The following SPATA17 variants were observed in gnomAD, a reference collection of about 807,000 sequenced individuals.
The protein encoded by SPATA17 is spermatogenesis associated 17, also known as spermatogenesis-associated protein 17.
SPATA17 carries 53 observed loss-of-function variants against 62.2 expected under a neutral mutation model. The observed-to-expected ratio is 0.85, with a 90% CI of 0.68 to 1.07. The LOEUF (loss-of-function observed/expected upper bound fraction) is 1.07. Among genes scored for constraint, SPATA17 ranks in the 50% least tolerant of loss-of-function variants. The pLI, the probability that SPATA17 is intolerant of heterozygous loss-of-function variation, is 0.00. For missense variants in SPATA17, 466 were observed against 425.5 expected (o/e 1.10, Z -0.84); for synonymous variants, 146 against 146.8 (o/e 0.99, Z 0.04).
intron 6 of SPATA17, among the ~76,000 whole-genome samples, chr1:217,756,544 A>T (rs2102959549): frequency 6.6e-6 from 1 of 152,324 alleles, no homozygotes. Flanking sequence ...ATTTTCCTGG[A>T]TTATGAGTGA....
chr1:217,761,326 T>C (rs1673168596), intron 6 of SPATA17, among the ~76,000 whole-genome samples: 1 of 152,198 alleles, frequency 6.6e-6, no homozygotes, highest in Non-Finnish European at 1.5e-5. Context: ...TCCAAAGTTA[T>C]TTAAAGGTTC....
intron 10 of SPATA17, 45 bp from the exon 11 acceptor site, chr1:217,866,977 G>A (rs1676028006): frequency 1.3e-5 from 2 of 151,936 alleles, no homozygotes; most frequent in Admixed American, 6.6e-5. Flanking sequence ...CACGTCTGAT[G>A]AGTGACCTTG....
chr1:217,756,311 A>G (rs1032012045), intron 6 of SPATA17, among the ~76,000 whole-genome samples: 5 of 131,916 alleles, frequency 3.8e-5, no homozygotes, highest in African/African-American at 1.3e-4. Flanking sequence ...TTGCCCAAAT[A>G]TATTTTTTGT....
chr1:217,807,788 G>A (rs1420018632), intron 9 of SPATA17, among the ~76,000 whole-genome samples: 1 of 152,092 alleles, frequency 6.6e-6, no homozygotes, highest in Admixed American at 6.6e-5. Context: ...TCTGAATTGG[G>A]AAAACATGTC....
intron 5 of SPATA17, among the ~76,000 whole-genome samples, chr1:217,741,356 A>C (rs1240088699): frequency 6.6e-6 from 1 of 152,182 alleles, no homozygotes; most frequent in African/African-American, 2.4e-5. Context: ...AGAATTTATT[A>C]TACTTAGAAA....
intron 9 of SPATA17, among the ~76,000 whole-genome samples, chr1:217,813,486 A>G (rs952414023): frequency 6.6e-6 from 1 of 152,182 alleles, no homozygotes; most frequent in Non-Finnish European, 1.5e-5. Flanking sequence ...CTTTCCATAC[A>G]TGCTGATTGA....
intron 5 of SPATA17, among the ~76,000 whole-genome samples, chr1:217,720,110 C>T (rs1672089935): frequency 6.6e-6 from 1 of 152,092 alleles, no homozygotes; most frequent in South Asian, 2.1e-4. Flanking sequence ...TAACACTTTC[C>T]CCAGTCATGC....
At chr1:217,727,111 GT>G (rs1325677368) in intron 5 of SPATA17, among the ~76,000 whole-genome samples, 1 of 151,980 alleles carries the variant, frequency 6.6e-6, no homozygotes, top group Admixed American at 6.6e-5. Flanking sequence ...GCCAAGCATG[GT>G]GGCATATGCC....
At chr1:217,842,423 C>T (rs868768141) in intron 9 of SPATA17, among the ~76,000 whole-genome samples, 3 of 151,874 alleles carry the variant, frequency 2.0e-5, no homozygotes, top group African/African-American at 7.2e-5. Flanking sequence ...ACTAGTGAGC[C>T]TATTGAGTTG....
intron 6 of SPATA17, among the ~76,000 whole-genome samples, chr1:217,767,088 T>C (rs1178237566): frequency 1.3e-5 from 2 of 152,158 alleles, no homozygotes; most frequent in African/African-American, 4.8e-5. Flanking sequence ...TTTCTTTATC[T>C]GAGAAAGTCT....
intron 5 of SPATA17, among the ~76,000 whole-genome samples, chr1:217,685,537 T>G (rs979778197): frequency 6.6e-6 from 1 of 152,196 alleles, no homozygotes; most frequent in Non-Finnish European, 1.5e-5. Flanking sequence ...GGAATGGAAG[T>G]TGACTTTAAC....
chr1:217,751,287 ATTATC>A (rs1672899962), intron 6 of SPATA17, among the ~76,000 whole-genome samples: 1 of 152,224 alleles, frequency 6.6e-6, no homozygotes, highest in South Asian at 2.1e-4. Flanking sequence ...AAAAGCAGAA[ATTATC>A]TTTCTAGTGA....
chr1:217,727,285 A>ATAATAATAC (rs200289654), intron 5 of SPATA17, among the ~76,000 whole-genome samples: 2,742 of 146,680 alleles, frequency 0.019, 49 homozygotes, highest in Non-Finnish European at 0.03. Flanking sequence ...AATAATAATA[A>ATAATAATAC]TAACAACAAA....
At chr1:217,775,361 T>C (rs1673559767) in intron 7 of SPATA17, among the ~76,000 whole-genome samples, 1 of 152,152 alleles carries the variant, frequency 6.6e-6, no homozygotes, top group Admixed American at 6.5e-5. Flanking sequence ...TGCAAATATT[T>C]TCTCCCATTC....
chr1:217,852,345 C>G (rs573513827), intron 9 of SPATA17, among the ~76,000 whole-genome samples: 1 of 152,306 alleles, frequency 6.6e-6, no homozygotes, highest in South Asian at 2.1e-4. Flanking sequence ...TGCAATGTCT[C>G]TCTTGGGCAT....
Position 217,680,813 on chromosome 1 carries a change from T to C in SPATA17, c.292-2445T>C, listed in dbSNP as rs542379425. On this transcript the variant is annotated intron_variant, in intron 4 of 10. Coordinates refer to ENST00000366933, the MANE Select transcript of SPATA17 (RefSeq NM_138796.4). ...GGTGGCACATGCCTGTAGTCCAAGC[T>C]ACTCTGGAGGCTAAAGCAAGAGAAT... 4.7e-5 allele frequency among the ~76,000 whole-genome samples: 7 copies of C among 149,168 alleles called. No individual in the cohort carries two copies. The South Asian group carries it at 1.3e-3, about 27-fold the overall frequency.
Position 217,638,087 on chromosome 1 carries a change from C to T in SPATA17, c.68+6641C>T, listed in dbSNP as rs539086944. Among the ~76,000 whole-genome samples the T allele has an allele frequency of 3.9e-5, 6 of 152,036 alleles. No individual in the cohort carries two copies. The South Asian group carries it at 1.0e-3, about 26-fold the overall frequency. On this transcript the variant is annotated intron_variant, in intron 1 of 10. Transcript: ENST00000366933. ...GGGTAAAGTATAAAATACATATGATCGACTCAGTGAATATCGAAAAGGTAA... is the reference window on the plus strand; with the variant it reads ...GGGTAAAGTATAAAATACATATGATTGACTCAGTGAATATCGAAAAGGTAA...
At chr1:217,698,276 A>G (rs755103504) in intron 5 of SPATA17, among the ~76,000 whole-genome samples, 4 of 152,138 alleles carry the variant, frequency 2.6e-5, no homozygotes, top group Non-Finnish European at 5.9e-5. Context: ...TCTACTAAAA[A>G]TACAAAAATT....
At chr1:217,745,220 T>C (rs546556852) in intron 6 of SPATA17, among the ~76,000 whole-genome samples, 3 of 152,192 alleles carry the variant, frequency 2.0e-5, no homozygotes, top group South Asian at 2.1e-4. Flanking sequence ...GGATTTTAAT[T>C]TGGACCTGGC....
Sources: gnomAD v4.1 joint callset for allele counts (sites outside exome capture counted in the v4.1 genomes callset) on GRCh38, gnomAD v4.1.1 for gene constraint, MANE v1.5 for transcripts, NCBI Gene and HGNC (gene_info 2026-07-23, HGNC 2026-07-21) for gene names.